The following BLTP1 variants were observed in gnomAD, a reference collection of about 807,000 sequenced individuals.
The protein encoded by BLTP1 is bridge-like lipid transfer protein family member 1.
At chr4:122,200,484 G>A in the BLTP1 span, 1 of 709,896 alleles carries the variant, frequency 1.4e-6, no homozygotes, top group Non-Finnish European at 1.7e-6. Flanking sequence ...GGAGGCTGAG[G>A]CACAAGAATT....
the BLTP1 span, chr4:122,274,216 C>A: frequency 4.6e-6 from 3 of 654,310 alleles, no homozygotes; most frequent in Non-Finnish European, 4.9e-6. Flanking sequence ...AATAGTTGAA[C>A]AAAATTTACC....
At chr4:122,201,779 C>A in the BLTP1 span, 1 of 730,672 alleles carries the variant, frequency 1.4e-6, no homozygotes, top group Non-Finnish European at 1.7e-6. Flanking sequence ...GGTCAGTTGG[C>A]TGTTCCACAG....
the BLTP1 span, chr4:122,246,809 A>G: frequency 1.9e-6 from 3 of 1,612,358 alleles, no homozygotes; most frequent in Non-Finnish European, 2.5e-6. Context: ...TCGCATGAAC[A>G]GGTAAGAAAT....
At chr4:122,162,658 T>C in the BLTP1 span, 43 of 984,860 alleles carry the variant, frequency 4.4e-5, no homozygotes, top group African/African-American at 6.0e-4. Context: ...CTAGCTGTTA[T>C]TAACACAAAT....
At chr4:122,188,101 T>A in the BLTP1 span, 29 of 1,452,468 alleles carry the variant, frequency 2.0e-5, no homozygotes, top group African/African-American at 2.8e-4. Context: ...AAGAAAATCT[T>A]ATAAAAATAA....
the BLTP1 span, chr4:122,223,113 A>G: frequency 1.1e-6 from 1 of 948,362 alleles, no homozygotes; most frequent in Non-Finnish European, 1.3e-6. Context: ...AGGTGATTTT[A>G]TATAAAGTCA....
At chr4:122,282,643 A>T in the BLTP1 span, among the ~76,000 whole-genome samples, 3 of 152,020 alleles carry the variant, frequency 2.0e-5, no homozygotes, top group South Asian at 6.2e-4. Flanking sequence ...CTTCATCTCA[A>T]AAAAAAAGGC....
At chr4:122,235,262 T>C in the BLTP1 span, 1 of 801,588 alleles carries the variant, frequency 1.2e-6, no homozygotes, top group East Asian at 1.3e-4. Context: ...CGTGGGTGGC[T>C]TTCCTCACAG....
chr4:122,258,934 T>C, the BLTP1 span: 1 of 671,908 alleles, frequency 1.5e-6, no homozygotes, highest in Non-Finnish European at 2.5e-6. Context: ...GTGTCCACCC[T>C]AAATATTCAG....
chr4:122,324,498 T>C, the BLTP1 span: 3 of 1,611,000 alleles, frequency 1.9e-6, no homozygotes, highest in Non-Finnish European at 2.5e-6. Context: ...GCATTTCTGC[T>C]TCTGGAAGAC....
At chr4:122,295,256 C>G in the BLTP1 span, among the ~76,000 whole-genome samples, 1 of 148,106 alleles carries the variant, frequency 6.8e-6, no homozygotes, top group East Asian at 2.0e-4. Context: ...TCAGGAAATG[C>G]AGAGAACCCC....
the BLTP1 span, among the ~76,000 whole-genome samples, chr4:122,222,578 G>A: frequency 1.3e-5 from 2 of 152,138 alleles, no homozygotes; most frequent in African/African-American, 4.8e-5. Context: ...TGTCTGAGCT[G>A]TAGGGGAAGA....
At chr4:122,162,806 A>G in the BLTP1 span, 1 of 263,904 alleles carries the variant, frequency 3.8e-6, no homozygotes, top group African/African-American at 2.3e-5. Flanking sequence ...TATGAACTTG[A>G]CTCATACTTT....
chr4:122,218,913 T>C, the BLTP1 span, among the ~76,000 whole-genome samples: 1 of 152,194 alleles, frequency 6.6e-6, no homozygotes, highest in Admixed American at 6.6e-5. Flanking sequence ...ATATGTGAAT[T>C]GTACTAGTTA....
At chr4:122,273,036 C>T in the BLTP1 span, 1 of 180,654 alleles carries the variant, frequency 5.5e-6, no homozygotes, top group Non-Finnish European at 1.1e-5. Flanking sequence ...GTTTCTTAGA[C>T]TCAGTGGATA....
At chr4:122,301,320 C>T in the BLTP1 span, 2 of 1,602,052 alleles carry the variant, frequency 1.2e-6, no homozygotes, top group Non-Finnish European at 1.7e-6. Flanking sequence ...GCCTATTCCT[C>T]TCTGGAACGA....
chr4:122,356,003 A>C, the BLTP1 span: 10 of 1,563,420 alleles, frequency 6.4e-6, no homozygotes, highest in South Asian at 1.2e-4. Context: ...ATGTAGAAAA[A>C]CAATTTAAAG....
chr4:122,328,158 C>A, the BLTP1 span: 16 of 1,610,278 alleles, frequency 9.9e-6, no homozygotes, highest in Middle Eastern at 9.9e-4. Context: ...AGGTCCATCC[C>A]ATTATTCATC....
the BLTP1 span, chr4:122,226,923 A>G: frequency 1.0e-6 from 1 of 962,682 alleles, no homozygotes; most frequent in African/African-American, 1.7e-5. Context: ...AGTCAAATAC[A>G]CATAGCCATG....
Sources: gnomAD v4.1 joint callset for allele counts (sites outside exome capture counted in the v4.1 genomes callset) on GRCh38, gnomAD v4.1.1 for gene constraint, MANE v1.5 for transcripts, NCBI Gene and HGNC (gene_info 2026-07-23, HGNC 2026-07-21) for gene names.